Variants in SIN3A observed in about 807,000 individuals in gnomAD.
The protein encoded by SIN3A is paired amphipathic helix protein Sin3a.
A neutral mutation model predicts 146.1 loss-of-function variants in SIN3A; 14 were observed. The ratio of observed to expected loss-of-function variants is 0.10; its 90% CI spans 0.06 to 0.15. The LOEUF is 0.15. SIN3A is among the 10% of genes least tolerant of loss of function. SIN3A has a pLI of 1.00. For synonymous variants in SIN3A, 572 were observed against 572.0 expected, an observed-to-expected ratio of 1.00 and a Z score of 0.00; for missense variants, 1,028 against 1,576.0, an observed-to-expected ratio of 0.65 and a Z score of 5.89.
intron 8 of SIN3A, 95 bp from the exon 9 acceptor site, chr15:75,407,239 C>T: frequency 1.1e-5 from 8 of 726,126 alleles, no homozygotes; most frequent in Non-Finnish European, 1.9e-5. Flanking sequence ...ACTGAAACCA[C>T]TGCTGATTAA....
chr15:75,425,870 A>G (rs1161393982), intron 2 of SIN3A, among the ~76,000 whole-genome samples: 1 of 152,230 alleles, frequency 6.6e-6, no homozygotes, highest in Admixed American at 6.5e-5. Context: ...CCTCACTTTT[A>G]TAAAAATTAT....
At chr15:75,384,670 CTATCTA>C in intron 16 of SIN3A, among the ~76,000 whole-genome samples, 1 of 152,152 alleles carries the variant, frequency 6.6e-6, no homozygotes, top group South Asian at 2.1e-4. Flanking sequence ...TAAAACTTTC[CTATCTA>C]TTTAAAATAA....
At chr15:75,391,296 T>A (rs1361709363) in intron 15 of SIN3A, among the ~76,000 whole-genome samples, 2 of 152,172 alleles carry the variant, frequency 1.3e-5, no homozygotes, top group Non-Finnish European at 2.9e-5. Flanking sequence ...CAAACCAGGT[T>A]AAGTCAGTGG....
intron 12 of SIN3A, among the ~76,000 whole-genome samples, chr15:75,399,484 C>T (rs1190417501): frequency 2.0e-5 from 3 of 151,792 alleles, no homozygotes; most frequent in South Asian, 2.1e-4. Flanking sequence ...GCCGAGATTG[C>T]GCCACTGCAC....
At chr15:75,410,368 T>TA in intron 6 of SIN3A, 82 bp from the exon 7 acceptor site, 1 of 1,370,654 alleles carries the variant, frequency 7.3e-7, no homozygotes, top group Non-Finnish European at 1.0e-6. Context: ...GAATCACTGT[T>TA]ATCTATTTAG....
intron 1 of SIN3A, among the ~76,000 whole-genome samples, chr15:75,445,759 G>GAAAAAAAAA (rs774883850): frequency 3.5e-4 from 30 of 86,304 alleles, no homozygotes; most frequent in African/African-American, 5.1e-4. Flanking sequence ...TCAAAAAAAA[G>GAAAAAAAAA]AAAAAAAAAA....
rs773062817 is a variant in SIN3A at position 75,382,346 on chromosome 15, G to C, written c.3196-641C>G. On this transcript the variant is annotated intron_variant, in intron 17 of 20. Transcript: ENST00000394947. ...CATAATATATACACACACAAATACA[G>C]TTATTTCCAAAATAGATTTCGGGGT... Among the ~76,000 whole-genome samples, 192 of 152,118 alleles carry C rather than the reference G, an allele frequency of 1.3e-3. 2 individuals are homozygous for C. Among genetic ancestry groups the C allele is most frequent in the Non-Finnish European group, 1.9e-3 (128 of 68,028 alleles).
chr15:75,433,893 T>C (rs2074057219), intron 1 of SIN3A, among the ~76,000 whole-genome samples: 2 of 152,200 alleles, frequency 1.3e-5, no homozygotes, highest in South Asian at 4.1e-4. Flanking sequence ...TTGCTTCCGC[T>C]CTAATCATAC....
intron 19 of SIN3A, among the ~76,000 whole-genome samples, chr15:75,380,180 T>C (rs1382388571): frequency 6.6e-6 from 1 of 152,198 alleles, no homozygotes; most frequent in African/African-American, 2.4e-5. Context: ...TGTTGTCACA[T>C]TCATTGTTGG....
At chr15:75,397,500 A>G (rs562122648) in intron 12 of SIN3A, among the ~76,000 whole-genome samples, 1 of 152,310 alleles carries the variant, frequency 6.6e-6, no homozygotes, top group South Asian at 2.1e-4. Flanking sequence ...AACATTCATA[A>G]TGGCAGCAAT....
At chr15:75,397,585 T>A (rs1404294554) in intron 12 of SIN3A, among the ~76,000 whole-genome samples, 2 of 152,158 alleles carry the variant, frequency 1.3e-5, no homozygotes, top group Non-Finnish European at 2.9e-5. Context: ...GTAGAATGAT[T>A]AGAAATTAAA....
intron 9 of SIN3A, among the ~76,000 whole-genome samples, chr15:75,404,406 A>G (rs1351560291): frequency 1.3e-5 from 2 of 152,218 alleles, no homozygotes; most frequent in Non-Finnish European, 2.9e-5. Flanking sequence ...TGCATTTTAA[A>G]GCAAATTCCA....
At chr15:75,380,557 G>A in intron 19 of SIN3A, 72 bp downstream of exon 19, 1 of 1,147,054 alleles carries the variant, frequency 8.7e-7, no homozygotes, top group Non-Finnish European at 1.3e-6. Context: ...CCAAGAACGT[G>A]AAAGTCATTT....
chr15:75,431,164 T>C (rs2074007997), intron 1 of SIN3A, among the ~76,000 whole-genome samples: 1 of 152,198 alleles, frequency 6.6e-6, no homozygotes, highest in South Asian at 2.1e-4. Context: ...AATGGTATCA[T>C]GGAAAGAATA....
intron 1 of SIN3A, among the ~76,000 whole-genome samples, chr15:75,449,154 A>G (rs141770586): frequency 5.9e-5 from 9 of 152,162 alleles, no homozygotes; most frequent in African/African-American, 2.2e-4. Flanking sequence ...GTTCTCCACT[A>G]TCTCTCTCAG....
chr15:75,453,494 G>T (rs1164101241), upstream of SIN3A: 1 of 152,272 alleles, frequency 6.6e-6, no homozygotes, highest in East Asian at 1.9e-4. Context: ...TTCCCACCAT[G>T]GTATCAAGAA....
chr15:75,386,634 G>A (rs537714892), intron 16 of SIN3A, among the ~76,000 whole-genome samples: 29 of 152,292 alleles, frequency 1.9e-4, no homozygotes, highest in African/African-American at 5.8e-4. Context: ...AGCACATGCC[G>A]TATGTTCATC....
intron 16 of SIN3A, chr15:75,388,723 G>A (rs1042087819): frequency 1.1e-4 from 17 of 152,268 alleles, no homozygotes; most frequent in African/African-American, 4.1e-4. Flanking sequence ...AGAACTTTAA[G>A]GTATTTGCCA....
intron 16 of SIN3A, chr15:75,388,560 GT>G (rs34234957): frequency 0.35 from 53,208 of 152,150 alleles, 10,650 homozygotes; most frequent in African/African-American, 0.54. Flanking sequence ...ACCTGAAGGA[GT>G]TAAGACTCCA....
Sources: gnomAD v4.1 joint callset for allele counts (sites outside exome capture counted in the v4.1 genomes callset) on GRCh38, gnomAD v4.1.1 for gene constraint, MANE v1.5 for transcripts, NCBI Gene and HGNC (gene_info 2026-07-23, HGNC 2026-07-21) for gene names.